CSMD1: variants seen among roughly 807,000 people sequenced by gnomAD.
CSMD1 encodes the protein CUB and sushi domain-containing protein 1.
Under a neutral mutation model 417.5 loss-of-function variants are expected in CSMD1, and 213 were observed. That is an observed-to-expected ratio of 0.51 (90% CI 0.46 to 0.57). The LOEUF (loss-of-function observed/expected upper bound fraction) is 0.57, where lower values mean the gene tolerates loss of function less well. Ranked by LOEUF, CSMD1 falls within the 20% of genes least tolerant of loss-of-function variation. The probability of loss-of-function intolerance (pLI) is 0.00; values close to 1 mark genes in which losing one functional copy is unlikely to be tolerated. For missense variants in CSMD1, 6,923 were observed against 4,529.7 expected, an observed-to-expected ratio of 1.53 and a Z score of -15.17; for synonymous variants, 2,862 against 1,736.8, an observed-to-expected ratio of 1.65 and a Z score of -16.11.
At chr8:3,342,524 G>C (rs181725185) in intron 23 of CSMD1, among the ~76,000 whole-genome samples, 1 of 152,108 alleles carries the variant, frequency 6.6e-6, no homozygotes, top group African/African-American at 2.4e-5. Flanking sequence ...ACACCAAATA[G>C]CTTTTTCTTT....
intron 1 of CSMD1, among the ~76,000 whole-genome samples, chr8:4,721,184 A>G (rs931152525): frequency 1.3e-5 from 2 of 152,190 alleles, no homozygotes; most frequent in Non-Finnish European, 1.5e-5. Context: ...ATTGCGATCC[A>G]TATACTTTGT....
At chr8:4,407,501 T>C (rs570163220) in intron 3 of CSMD1, among the ~76,000 whole-genome samples, 3 of 152,296 alleles carry the variant, frequency 2.0e-5, no homozygotes, top group African/African-American at 7.2e-5. Context: ...CATTGTACTC[T>C]GTTGTATTTT....
rs1224646940 is a variant in CSMD1, at chr8:4,966,233, G to C, written c.85+28099C>G. ...ACAAAAAAAAAAAAAAAAAAAATTA[G>C]CTGGGTATGGTGGCACATGCCTGTA... On this transcript the variant is annotated intron_variant, in intron 1 of 69. Coordinates refer to ENST00000635120, the MANE Select transcript of CSMD1 (RefSeq NM_033225.6). 4.1e-5 allele frequency among the ~76,000 whole-genome samples: 5 copies of C among 122,454 alleles called. No homozygotes were observed. In the East Asian group the frequency reaches 7.8e-4, roughly 19 times the overall value. 80.3% of individuals were successfully genotyped at this position (122,454 alleles called of 152,430 possible).
chr8:3,072,708 T>A (rs1456451194), intron 49 of CSMD1, among the ~76,000 whole-genome samples: 1 of 152,188 alleles, frequency 6.6e-6, no homozygotes, highest in Non-Finnish European at 1.5e-5. Flanking sequence ...ATGCCAAGAA[T>A]CTGAACTTTT....
At chr8:4,621,053 C>T (rs776608443) in intron 2 of CSMD1, among the ~76,000 whole-genome samples, 6 of 151,932 alleles carry the variant, frequency 3.9e-5, no homozygotes, top group Non-Finnish European at 7.4e-5. Flanking sequence ...ATCATATATT[C>T]GTCAGACCTG....
chr8:4,219,033 C>G (rs1189696812), intron 3 of CSMD1, among the ~76,000 whole-genome samples: 1 of 152,122 alleles, frequency 6.6e-6, no homozygotes. Context: ...GTGTCATTTC[C>G]CACTAAAATG....
At chr8:3,386,762 T>G (rs1811026113) in intron 18 of CSMD1, among the ~76,000 whole-genome samples, 1 of 152,208 alleles carries the variant, frequency 6.6e-6, no homozygotes, top group Non-Finnish European at 1.5e-5. Context: ...AAACAATGTT[T>G]CTTGGAATGT....
intron 1 of CSMD1, among the ~76,000 whole-genome samples, chr8:4,816,649 T>C (rs1445631666): frequency 1.3e-5 from 2 of 152,202 alleles, no homozygotes; most frequent in African/African-American, 4.8e-5. Flanking sequence ...CGTATGGCTC[T>C]ACAATTCCCA....
At chr8:4,618,418 A>C (rs1270504361) in intron 2 of CSMD1, among the ~76,000 whole-genome samples, 3 of 152,120 alleles carry the variant, frequency 2.0e-5, no homozygotes, top group African/African-American at 7.2e-5. Flanking sequence ...ACAGAAGAGC[A>C]AAGGTGGGCA....
At chr8:3,968,145 C>A (rs960092755) in intron 5 of CSMD1, among the ~76,000 whole-genome samples, 1 of 151,532 alleles carries the variant, frequency 6.6e-6, no homozygotes, top group African/African-American at 2.4e-5. Context: ...CGAGATCGAC[C>A]CACTGCACTC....
chr8:4,738,547 G>T (rs1386116311), intron 1 of CSMD1, among the ~76,000 whole-genome samples: 2 of 151,986 alleles, frequency 1.3e-5, no homozygotes, highest in African/African-American at 4.8e-5. Context: ...CCATAACAGG[G>T]GAACTACAAT....
At chr8:4,267,714 A>T (rs1245992342) in intron 3 of CSMD1, among the ~76,000 whole-genome samples, 1 of 152,020 alleles carries the variant, frequency 6.6e-6, no homozygotes, top group African/African-American at 2.4e-5. Flanking sequence ...TTACATCCTC[A>T]CCAAAGTTCT....
intron 10 of CSMD1, among the ~76,000 whole-genome samples, chr8:3,545,396 C>T (rs754180597): frequency 6.6e-6 from 1 of 152,166 alleles, no homozygotes; most frequent in Non-Finnish European, 1.5e-5. Context: ...ACATAAACAG[C>T]CATTGTGATG....
At chr8:4,299,442 A>T (rs1197370675) in intron 3 of CSMD1, among the ~76,000 whole-genome samples, 2 of 152,160 alleles carry the variant, frequency 1.3e-5, no homozygotes, top group African/African-American at 2.4e-5. Flanking sequence ...GTCTTTCAAA[A>T]AGCCACTAGT....
intron 2 of CSMD1, among the ~76,000 whole-genome samples, chr8:4,574,230 T>G (rs1799028656): frequency 6.6e-6 from 1 of 152,248 alleles, no homozygotes; most frequent in African/African-American, 2.4e-5. Flanking sequence ...GTTTTTTCCT[T>G]GAAACCCAGG....
chr8:3,754,639 G>C (rs1247242332), intron 5 of CSMD1, among the ~76,000 whole-genome samples: 1 of 152,054 alleles, frequency 6.6e-6, no homozygotes, highest in Admixed American at 6.6e-5. Flanking sequence ...ATTTTTACTA[G>C]AGACAAGGTT....
chr8:3,122,317 G>A (rs1032031100), intron 41 of CSMD1, among the ~76,000 whole-genome samples: 1 of 152,168 alleles, frequency 6.6e-6, no homozygotes, highest in African/African-American at 2.4e-5. Flanking sequence ...TTCCAGTGCT[G>A]CTTTCTGGTA....
At chr8:4,828,666 C>T (rs1216384706) in intron 1 of CSMD1, among the ~76,000 whole-genome samples, 3 of 152,132 alleles carry the variant, frequency 2.0e-5, no homozygotes, top group Non-Finnish European at 4.4e-5. Context: ...TGGCAATATA[C>T]ATTGACCAGA....
At chr8:4,990,877 C>G (rs60913964) in intron 1 of CSMD1, among the ~76,000 whole-genome samples, 4 of 152,104 alleles carry the variant, frequency 2.6e-5, no homozygotes, top group African/African-American at 9.7e-5. Flanking sequence ...GCACCTCTCT[C>G]GCGGTGGAGT....
Sources: gnomAD v4.1 joint callset for allele counts (sites outside exome capture counted in the v4.1 genomes callset) on GRCh38, gnomAD v4.1.1 for gene constraint, MANE v1.5 for transcripts, NCBI Gene and HGNC (gene_info 2026-07-23, HGNC 2026-07-21) for gene names.